NEGR1: variants seen among roughly 807,000 people sequenced by gnomAD.
NEGR1 encodes the protein neuronal growth regulator 1, also known as IgLON family member 4.
Under a neutral mutation model 40.9 loss-of-function variants are expected in NEGR1, and 10 were observed. The ratio of observed to expected loss-of-function variants is 0.24; its 90% CI spans 0.15 to 0.42. The LOEUF (loss-of-function observed/expected upper bound fraction) is 0.42, where lower values mean the gene tolerates loss of function less well. Among genes scored for constraint, NEGR1 ranks in the 10% least tolerant of loss-of-function variants. The probability of loss-of-function intolerance (pLI) is 1.00; values close to 1 mark genes in which losing one functional copy is unlikely to be tolerated. For synonymous variants in NEGR1, 185 were observed against 166.8 expected, an observed-to-expected ratio of 1.11 and a Z score of -0.84; for missense variants, 352 against 438.9, an observed-to-expected ratio of 0.80 and a Z score of 1.77.
intron 4 of NEGR1, among the ~76,000 whole-genome samples, chr1:71,631,579 T>G (rs1373161293): frequency 1.3e-5 from 2 of 151,854 alleles, no homozygotes. Flanking sequence ...ATCCTTGAAA[T>G]TTAGTATAAG....
intron 1 of NEGR1, among the ~76,000 whole-genome samples, chr1:72,002,490 A>G (rs1446699091): frequency 2.0e-5 from 3 of 152,104 alleles, no homozygotes; most frequent in Admixed American, 6.6e-5. Flanking sequence ...AGTTCCATCC[A>G]CAATTATGAT....
chr1:71,561,136 C>T (rs925034659), intron 6 of NEGR1, among the ~76,000 whole-genome samples: 1 of 151,632 alleles, frequency 6.6e-6, no homozygotes, highest in African/African-American at 2.4e-5. Context: ...CCGTCAAACT[C>T]ACTAAACCAT....
intron 4 of NEGR1, among the ~76,000 whole-genome samples, chr1:71,625,351 ATT>A (rs890603293): frequency 5.3e-5 from 8 of 151,954 alleles, no homozygotes; most frequent in African/African-American, 1.9e-4. Context: ...ATATTTGTGG[ATT>A]TAACCAAAGA....
intron 2 of NEGR1, among the ~76,000 whole-genome samples, chr1:71,852,823 C>A (rs1283388096): frequency 6.8e-6 from 1 of 148,002 alleles, no homozygotes; most frequent in Non-Finnish European, 1.5e-5. Context: ...GAATGTTATT[C>A]CAAAGGAATA....
chr1:71,796,987 T>C (rs767528748), intron 2 of NEGR1, among the ~76,000 whole-genome samples: 1 of 152,104 alleles, frequency 6.6e-6, no homozygotes, highest in Non-Finnish European at 1.5e-5. Context: ...ATTTACATAA[T>C]TGAAACTCAT....
At chr1:71,428,855 A>C (rs1412586354) in intron 6 of NEGR1, among the ~76,000 whole-genome samples, 1 of 151,974 alleles carries the variant, frequency 6.6e-6, no homozygotes, top group Admixed American at 6.6e-5. Flanking sequence ...ATAAGCAACA[A>C]ATGTAAAGGC....
intron 1 of NEGR1, among the ~76,000 whole-genome samples, chr1:72,100,003 A>T (rs1163381709): frequency 1.3e-5 from 2 of 152,122 alleles, no homozygotes; most frequent in East Asian, 3.9e-4. Flanking sequence ...CAAAACAGAA[A>T]TAGTGATTTT....
chr1:72,245,042 C>A (rs1405070715), intron 1 of NEGR1, among the ~76,000 whole-genome samples: 1 of 151,974 alleles, frequency 6.6e-6, no homozygotes, highest in Non-Finnish European at 1.5e-5. Context: ...AGAGTTGAAA[C>A]AAGAAGAGAG....
At chr1:71,784,061 G>T (rs1250085248) in intron 2 of NEGR1, among the ~76,000 whole-genome samples, 8 of 152,154 alleles carry the variant, frequency 5.3e-5, no homozygotes, top group Admixed American at 4.6e-4. Context: ...GAATTGAGGG[G>T]ATGCTGATAT....
At chr1:72,033,221 A>G (rs1186428386) in intron 1 of NEGR1, among the ~76,000 whole-genome samples, 1 of 152,192 alleles carries the variant, frequency 6.6e-6, no homozygotes, top group Non-Finnish European at 1.5e-5. Context: ...TATGTATAGG[A>G]TATGCCTGGC....
intron 3 of NEGR1, among the ~76,000 whole-genome samples, chr1:71,714,023 A>G (rs1654191704): frequency 6.6e-6 from 1 of 152,160 alleles, no homozygotes; most frequent in Non-Finnish European, 1.5e-5. Flanking sequence ...TCACACTGCT[A>G]TGAAAAAAAT....
At chr1:72,084,351 C>T (rs1648127052) in intron 1 of NEGR1, among the ~76,000 whole-genome samples, 1 of 152,150 alleles carries the variant, frequency 6.6e-6, no homozygotes, top group Non-Finnish European at 1.5e-5. Flanking sequence ...TGGCTCCCTT[C>T]TCAGGGTTTT....
At chr1:72,097,839 C>T (rs1386641360) in intron 1 of NEGR1, among the ~76,000 whole-genome samples, 2 of 152,184 alleles carry the variant, frequency 1.3e-5, no homozygotes, top group Non-Finnish European at 2.9e-5. Flanking sequence ...TGTACTTACA[C>T]ATTACAGAGA....
intron 3 of NEGR1, among the ~76,000 whole-genome samples, chr1:71,768,716 G>A (rs1656215600): frequency 6.6e-6 from 1 of 152,130 alleles, no homozygotes; most frequent in South Asian, 2.1e-4. Flanking sequence ...GTGTGGGAAT[G>A]ATATGGTTTG....
chr1:71,776,939 C>A (rs1656533255), intron 2 of NEGR1, among the ~76,000 whole-genome samples: 1 of 152,212 alleles, frequency 6.6e-6, no homozygotes, highest in African/African-American at 2.4e-5. Context: ...TGAAACAGAT[C>A]ACTTCAGGAC....
At chr1:72,079,450 T>G (rs898427223) in intron 1 of NEGR1, among the ~76,000 whole-genome samples, 1 of 151,940 alleles carries the variant, frequency 6.6e-6, no homozygotes, top group South Asian at 2.1e-4. Context: ...TTTTCCTGAA[T>G]TTTTTAAAAA....
At chr1:72,138,115 A>T (rs1650538282) in intron 1 of NEGR1, among the ~76,000 whole-genome samples, 1 of 152,180 alleles carries the variant, frequency 6.6e-6, no homozygotes, top group African/African-American at 2.4e-5. Context: ...AGATATACAT[A>T]AAGGAATAAG....
intron 4 of NEGR1, among the ~76,000 whole-genome samples, chr1:71,662,054 A>G (rs1255217456): frequency 6.6e-6 from 1 of 152,238 alleles, no homozygotes; most frequent in East Asian, 1.9e-4. Flanking sequence ...TAAATGGTCA[A>G]TGAACTTTTT....
chr1:71,797,047 A>G (rs1004034667), intron 2 of NEGR1, among the ~76,000 whole-genome samples: 5 of 152,108 alleles, frequency 3.3e-5, no homozygotes, highest in African/African-American at 9.7e-5. Context: ...TAAAGAGGAG[A>G]AGGACTTCAG....
Sources: gnomAD v4.1 joint callset for allele counts (sites outside exome capture counted in the v4.1 genomes callset) on GRCh38, gnomAD v4.1.1 for gene constraint, MANE v1.5 for transcripts, NCBI Gene and HGNC (gene_info 2026-07-23, HGNC 2026-07-21) for gene names.